The following PNPLA7 variants were observed in gnomAD, a reference collection of about 807,000 sequenced individuals.
PNPLA7 encodes patatin-like phospholipase domain-containing protein 7.
PNPLA7 carries 153 observed loss-of-function variants against 161.7 expected under a neutral mutation model. The observed-to-expected ratio is 0.95, with a 90% CI of 0.83 to 1.08. The LOEUF (loss-of-function observed/expected upper bound fraction) is 1.08, where lower values mean the gene tolerates loss of function less well. Ranked by LOEUF, PNPLA7 falls within the 50% of genes least tolerant of loss-of-function variation. PNPLA7 has a pLI of 0.00. For missense variants in PNPLA7, 1,739 were observed against 1,856.6 expected (o/e 0.94, Z 1.16); for synonymous variants, 809 against 782.1 (o/e 1.03, Z -0.57).
At chr9:137,460,982 C>G in intron 33 of PNPLA7, 1 of 506,848 alleles carries the variant, frequency 2.0e-6, no homozygotes, top group South Asian at 2.1e-5. Flanking sequence ...CGGGCAGACA[C>G]TCCTCCCCTT....
chr9:137,540,559 C>T lies in PNPLA7; in HGVS notation c.747+83G>A, dbSNP rs1391207128. 3.2e-6 allele frequency: 4 copies of T among 1,258,562 alleles called. 1 individual carries two copies. The highest frequency in any genetic ancestry group is 3.8e-4 in the Middle Eastern group (2 of 5,282). The allele number at this position is 1,258,562 out of a possible 1,614,324, so 78.0% of individuals were successfully genotyped here. A position where few individuals can be genotyped will look rare whatever the true frequency, so the allele number is the denominator to read the frequency against. ...GTGGAGAACTGGCCTTTAACCACTACCAGCTGTCCAGACAAGACAGAAAAA... is the reference window on the plus strand; with the variant it reads ...GTGGAGAACTGGCCTTTAACCACTATCAGCTGTCCAGACAAGACAGAAAAA... On this transcript the variant is annotated intron_variant, in intron 8 of 34. Transcript: ENST00000406427. This position sits in a 1 kb window ranked among gnomAD's most constrained non-coding sequence, Gnocchi z 5.1.
intron 1 of PNPLA7, among the ~76,000 whole-genome samples, chr9:137,549,564 C>T (rs35057179): frequency 0.22 from 27,603 of 126,812 alleles, 3,207 homozygotes; most frequent in Non-Finnish European, 0.28. Flanking sequence ...AGCAAGACTC[C>T]GTCTCAAAAA....
rs1423602394 is a variant in PNPLA7 at position 137,498,086 on chromosome 9, G to C, written c.1889+28C>G. The C allele has an allele frequency of 5.0e-6, 8 of 1,605,730 alleles. No homozygotes were observed. The East Asian group carries it at 1.8e-4, about 36-fold the overall frequency. ...TCCTGCATGCCAGGGCAGCATGGATGCGGAGTGTGTGGCACCCACGGCCTC... is the reference window on the plus strand; with the variant it reads ...TCCTGCATGCCAGGGCAGCATGGATCCGGAGTGTGTGGCACCCACGGCCTC... On this transcript the variant is annotated intron_variant, in intron 17 of 34. Transcript: ENST00000406427.
chr9:137,515,548 T>C (rs772762946), intron 11 of PNPLA7, 29 bp from the exon 12 acceptor site: 2 of 1,508,074 alleles, frequency 1.3e-6, no homozygotes, highest in African/African-American at 1.4e-5. Context: ...TAAGCAACCT[T>C]GTTTGCACGC....
Position 137,515,532 on chromosome 9 carries a change from C to A in PNPLA7, c.1085-13G>T, listed in dbSNP as rs1834488193. ...CCGCCCCCGTGATCTGCTGGGGAGGCAGCCGTAAGCAACCTTGTTTGCACG... is the reference window on the plus strand; with the variant it reads ...CCGCCCCCGTGATCTGCTGGGGAGGAAGCCGTAAGCAACCTTGTTTGCACG... On this transcript the variant is annotated splice_polypyrimidine_tract_variant and intron_variant, in intron 11 of 34. Coordinates refer to ENST00000406427, the MANE Select transcript of PNPLA7 (RefSeq NM_001098537.3). 3 of 1,526,328 alleles carry A rather than the reference C, an allele frequency of 2.0e-6. No homozygotes were observed. In the East Asian group the frequency reaches 7.0e-5, roughly 36 times the overall value. 94.5% of individuals were successfully genotyped at this position (1,526,328 alleles called of 1,614,324 possible).
intron 12 of PNPLA7, among the ~76,000 whole-genome samples, chr9:137,514,274 G>A (rs2132415028): frequency 7.0e-6 from 1 of 141,980 alleles, no homozygotes; most frequent in South Asian, 2.2e-4. Context: ...TGGCTGTTGA[G>A]ATGCCCGGGC....
rs373597606 is a variant in PNPLA7 at position 137,520,040 on chromosome 9, T to G, written c.961A>C (p.Ser321Arg). 3 of 1,612,140 alleles carry G rather than the reference T, an allele frequency of 1.9e-6. No individual in the cohort carries two copies. The highest frequency in any genetic ancestry group is 2.7e-5 in the African/African-American group (2 of 74,858). The change falls in exon 11 of 35, where the codon AGC becomes CGC. Residue 321 changes from serine to arginine, a missense_variant. By Grantham distance (110) the Ser-to-Arg change is moderately radical. Around this residue, in one of 6 missense-constraint regions of PNPLA7, gnomAD observed 152 missense variants for 193.5 expected, o/e 0.79. Coordinates refer to ENST00000406427, the MANE Select transcript of PNPLA7 (RefSeq NM_001098537.3). The surrounding 1 kb of genome is among the most constrained non-coding windows in gnomAD (Gnocchi z 5.2). ...GLTTELFNAESQAIPLVSVAS... is the reference protein window; with the variant it reads ...GLTTELFNAERQAIPLVSVAS... ...ACAGACACGAGAGGGATGGCCTGGC[T>G]CTCCTGGGACACAAGAAGGAAGTTC...
rs1831960971 is a variant in PNPLA7 at position 137,476,854 on chromosome 9, A to T, written c.2882+1180T>A. On this transcript the variant is annotated intron_variant, in intron 25 of 34. Coordinates refer to ENST00000406427, the MANE Select transcript of PNPLA7 (RefSeq NM_001098537.3). The surrounding 1 kb of genome is among the most constrained non-coding windows in gnomAD (Gnocchi z 4.5). ...CTGTAGGCCAACTTCCGCAGCTTTCAAGAGAAAATGTGGCACAAGACAAGG... is the reference window on the plus strand; with the variant it reads ...CTGTAGGCCAACTTCCGCAGCTTTCTAGAGAAAATGTGGCACAAGACAAGG... Among the ~76,000 whole-genome samples, 1 of 152,222 alleles carries T rather than the reference A, an allele frequency of 6.6e-6. No homozygotes were observed. Among genetic ancestry groups the T allele is most frequent in the Non-Finnish European group, 1.5e-5 (1 of 68,026 alleles).
At chr9:137,539,489 T>G (rs1438960212) in intron 8 of PNPLA7, among the ~76,000 whole-genome samples, 2 of 152,176 alleles carry the variant, frequency 1.3e-5, no homozygotes, top group Non-Finnish European at 2.9e-5. Flanking sequence ...CTGGCCAACA[T>G]GGCAAAACCT....
intron 12 of PNPLA7, among the ~76,000 whole-genome samples, chr9:137,512,737 C>G (rs908637669): frequency 6.6e-6 from 1 of 150,902 alleles, no homozygotes; most frequent in African/African-American, 2.4e-5. Flanking sequence ...CCCAGGAGTT[C>G]GAAACCAGCC....
rs368645772 is a variant in PNPLA7, at chr9:137,544,461, C to T, written c.274-646G>A. Among the ~76,000 whole-genome samples the T allele has an allele frequency of 2.6e-5, 4 of 152,326 alleles. No homozygotes were observed. The East Asian group carries it at 7.7e-4, about 29-fold the overall frequency. ...ATGATGGCCGACACTCAACAGACCG[C>T]CTCCACTCTGCTCCAGACCACCCTA... On this transcript the variant is annotated intron_variant, in intron 4 of 34. Coordinates refer to ENST00000406427, the MANE Select transcript of PNPLA7 (RefSeq NM_001098537.3).
At position 137,543,424 on chromosome 9, in the gene PNPLA7, G is replaced by A. The variant is rs374282575; in HGVS notation, c.506+8C>T. On this transcript the variant is annotated splice_region_variant and intron_variant, in intron 6 of 34. Coordinates refer to ENST00000406427, the MANE Select transcript of PNPLA7 (RefSeq NM_001098537.3). This position sits in a 1 kb window ranked among gnomAD's most constrained non-coding sequence, Gnocchi z 6.9. ...GCCGCAGCCCCCGGGGCTCATCCCC[G>A]CTCTTACCGAACGTTTTTCAGCATG... is the stretch of plus-strand genomic sequence containing the variant. 2.9e-4 allele frequency: 461 copies of A among 1,613,956 alleles called. 2 individuals are homozygous for A. Among genetic ancestry groups the A allele is most frequent in the Middle Eastern group, 2.0e-3 (12 of 6,058 alleles).
In PNPLA7 at chr9:137,486,741, A is replaced by G. The variant is rs57117739; in HGVS notation, c.2198-2005T>C. Among the ~76,000 whole-genome samples the G allele has an allele frequency of 3.9e-3, 600 of 152,076 alleles. 5 individuals carry two copies. Among genetic ancestry groups the G allele is most frequent in the African/African-American group, 0.014 (576 of 41,472 alleles). ...TGGCTTCAGCCGCCTGCTTGAGAGG[A>G]CGCTCTGTGCACAGTGGCCGGAGCT... is the stretch of plus-strand genomic sequence containing the variant. On this transcript the variant is annotated intron_variant, in intron 20 of 34. Coordinates refer to ENST00000406427, the MANE Select transcript of PNPLA7 (RefSeq NM_001098537.3). The surrounding 1 kb of genome is among the most constrained non-coding windows in gnomAD (Gnocchi z 6.0).
In PNPLA7 at chr9:137,515,464, G is replaced by A. The variant is rs763356605; in HGVS notation, c.1140C>T (p.Ser380=). 2.1e-5 allele frequency: 33 copies of A among 1,587,536 alleles called. No individual in the cohort carries two copies. The highest frequency in any genetic ancestry group is 4.6e-5 in the East Asian group (2 of 43,938). ...AAGPLLKRSH[S]VPAPSIRKQI... is the part of the protein sequence containing the mutation. ...GTTTGCGAATGGAAGGCGCGGGGAC[G>A]GAGTGGCTCCTCTTCAGCAGGGGCC... Residue 380 remains serine, a synonymous_variant, in exon 12 of 35, where the codon TCC becomes TCT. Coordinates refer to ENST00000406427, the MANE Select transcript of PNPLA7 (RefSeq NM_001098537.3).
intron 24 of PNPLA7, chr9:137,478,832 G>T: frequency 1.7e-6 from 1 of 577,984 alleles, no homozygotes; most frequent in Non-Finnish European, 2.8e-6. Context: ...CCCGATGGCC[G>T]CCCTGTGCCT....
At chr9:137,535,647 G>C (rs1260635612) in intron 8 of PNPLA7, among the ~76,000 whole-genome samples, 1 of 151,648 alleles carries the variant, frequency 6.6e-6, no homozygotes, top group African/African-American at 2.4e-5. Context: ...CAGCTACTCG[G>C]GAGGCTGAGG....
chr9:137,504,929 C>T (rs1282876618), intron 14 of PNPLA7, among the ~76,000 whole-genome samples: 1 of 152,162 alleles, frequency 6.6e-6, no homozygotes, highest in African/African-American at 2.4e-5. Context: ...TGGCTCACGC[C>T]TGTAATCCCA....
chr9:137,507,057 A>C (rs916699283), intron 12 of PNPLA7, among the ~76,000 whole-genome samples: 1 of 152,238 alleles, frequency 6.6e-6, no homozygotes, highest in Non-Finnish European at 1.5e-5. Context: ...GGGAAGCCAG[A>C]CACAGAGAGC....
intron 14 of PNPLA7, among the ~76,000 whole-genome samples, chr9:137,503,285 G>C (rs2132312253): frequency 6.6e-6 from 1 of 152,174 alleles, no homozygotes; most frequent in South Asian, 2.1e-4. Context: ...GGAGGCTGAG[G>C]TGGGAGGATC....
Sources: gnomAD v4.1 joint callset for allele counts (sites outside exome capture counted in the v4.1 genomes callset) on GRCh38, gnomAD v4.1.1 for gene constraint, gnomAD v4.1.1 regional missense constraint, Gnocchi (gnomAD v3.1) non-coding constraint, MANE v1.5 for transcripts, NCBI Gene and HGNC (gene_info 2026-07-23, HGNC 2026-07-21) for gene names.